The following DTHD1 variants were observed in gnomAD, a reference collection of about 807,000 sequenced individuals.
DTHD1 encodes death domain-containing protein 1.
A neutral mutation model predicts 74.8 loss-of-function variants in DTHD1; 59 were observed. The observed-to-expected ratio is 0.79, with a 90% CI of 0.64 to 0.98. The LOEUF is 0.98. Among genes scored for constraint, DTHD1 ranks in the 50% least tolerant of loss-of-function variants. The pLI is 0.00. For synonymous variants in DTHD1, 365 were observed against 371.1 expected, an observed-to-expected ratio of 0.98 and a Z score of 0.19; for missense variants, 1,051 against 1,065.4, an observed-to-expected ratio of 0.99 and a Z score of 0.19.
At chr4:36,324,945 C>A (rs1386518255) in intron 8 of DTHD1, among the ~76,000 whole-genome samples, 1 of 151,968 alleles carries the variant, frequency 6.6e-6, no homozygotes, top group Non-Finnish European at 1.5e-5. Context: ...TGTTTAGGGT[C>A]TGGAGAGGAA....
At chr4:36,312,014 T>C (rs1757438312) in intron 7 of DTHD1, among the ~76,000 whole-genome samples, 3 of 152,170 alleles carry the variant, frequency 2.0e-5, no homozygotes, top group South Asian at 2.1e-4. Flanking sequence ...CTATCTCTAA[T>C]AGGAAGGAAG....
intron 7 of DTHD1, among the ~76,000 whole-genome samples, chr4:36,312,105 A>G (rs1009113316): frequency 6.6e-6 from 1 of 152,128 alleles, no homozygotes; most frequent in African/African-American, 2.4e-5. Context: ...TTCATTCTCT[A>G]GGTTAGAGTT....
At chr4:36,309,076 A>G (rs887477509) in intron 7 of DTHD1, among the ~76,000 whole-genome samples, 11 of 152,112 alleles carry the variant, frequency 7.2e-5, no homozygotes, top group African/African-American at 2.7e-4. Context: ...TTCAAAGACT[A>G]CTCTGAGAAT....
At position 36,308,412 on chromosome 4, in the gene DTHD1, C is replaced by A. The variant is rs1352070477; in HGVS notation, c.2014C>A (p.Pro672Thr). The A allele has an allele frequency of 1.3e-6, 2 of 1,551,862 alleles. No individual in the cohort carries two copies. Among genetic ancestry groups the A allele is most frequent in the Non-Finnish European group, 8.7e-7 (1 of 1,147,024 alleles). Residue 672 changes from proline to threonine, a missense_variant, in exon 7 of 10, where the codon CCT becomes ACT. Transcript: ENST00000639862. ...CCTGCACTTGGAAGGGTTTGGAGGA[C>A]CTCCAGAGCCATCTCGTCATTTCCA... ...KDLHLEGFGG[P>T]PEPSRHFQVR...
intron 3 of DTHD1, 80 bp downstream of exon 3, chr4:36,290,783 T>C (rs762486047): frequency 2.0e-5 from 22 of 1,114,098 alleles, no homozygotes; most frequent in Non-Finnish European, 2.7e-5. Context: ...GATTGTAGTG[T>C]AGATATAATT....
chr4:36,301,697 T>C (rs1756781845), intron 5 of DTHD1, among the ~76,000 whole-genome samples: 1 of 152,226 alleles, frequency 6.6e-6, no homozygotes, highest in Admixed American at 6.5e-5. Context: ...CTTATCTGTA[T>C]ACTCCTTGGT....
intron 8 of DTHD1, among the ~76,000 whole-genome samples, chr4:36,336,081 G>A (rs1758994618): frequency 6.6e-6 from 1 of 152,144 alleles, no homozygotes; most frequent in South Asian, 2.1e-4. Context: ...GCCCTCAAGA[G>A]GCTTATAATT....
intron 8 of DTHD1, among the ~76,000 whole-genome samples, chr4:36,334,787 G>C (rs1025635113): frequency 6.6e-6 from 1 of 152,246 alleles, no homozygotes; most frequent in Non-Finnish European, 1.5e-5. Flanking sequence ...AATGGTGGAA[G>C]TAATCTTCAT....
intron 8 of DTHD1, among the ~76,000 whole-genome samples, chr4:36,335,591 A>G (rs191433719): frequency 2.2e-3 from 342 of 152,350 alleles, no homozygotes; most frequent in South Asian, 3.1e-3. Context: ...TAACATGTAC[A>G]GGAATGAGAT....
At position 36,308,424 on chromosome 4, in the gene DTHD1, T is replaced by C. The variant is rs1252806260; in HGVS notation, c.2026T>C (p.Ser676Pro). ...LEGFGGPPEP[S>P]RHFQVREGEQ... Reference sequence around the variant, plus strand: ...AGGGTTTGGAGGACCTCCAGAGCCATCTCGTCATTTCCAAGTTCGAGAAGG... The same window carrying C: ...AGGGTTTGGAGGACCTCCAGAGCCACCTCGTCATTTCCAAGTTCGAGAAGG... Residue 676 changes from serine to proline, a missense_variant, in exon 7 of 10, where the codon TCT (serine) becomes CCT (proline). Physicochemically the swap from Ser to Pro is moderately conservative, Grantham distance 74. Transcript: ENST00000639862. 11 of 1,551,900 alleles carry C rather than the reference T, an allele frequency of 7.1e-6. No homozygotes were observed. The highest frequency in any genetic ancestry group is 8.7e-6 in the Non-Finnish European group (10 of 1,147,034).
At chr4:36,328,601 C>T (rs1330212970) in intron 8 of DTHD1, among the ~76,000 whole-genome samples, 1 of 152,202 alleles carries the variant, frequency 6.6e-6, no homozygotes, top group Admixed American at 6.5e-5. Flanking sequence ...TTCTGCCATA[C>T]TTATTTTGTC....
At position 36,310,817 on chromosome 4, in the gene DTHD1, G is replaced by A. The variant is rs116205845; in HGVS notation, c.2095+2324G>A. ...GATCTCAGCATCTGAGCCAGCTGAC[G>A]GGACTTAGTGAGCAAGTGACAAAGA... On this transcript the variant is annotated intron_variant, in intron 7 of 9. Transcript: ENST00000639862. 8.5e-3 allele frequency among the ~76,000 whole-genome samples: 1,293 copies of A among 152,130 alleles called. 13 individuals carry two copies. Among genetic ancestry groups the A allele is most frequent in the South Asian group, 0.033 (157 of 4,808 alleles).
chr4:36,308,172 T>C (rs1286574251), intron 6 of DTHD1, 32 bp from the exon 7 acceptor site: 1 of 1,539,128 alleles, frequency 6.5e-7, no homozygotes, highest in Non-Finnish European at 8.8e-7. Flanking sequence ...ACTGCATTTT[T>C]CCCTGGGGTC....
At chr4:36,314,935 T>C (rs958434661) in intron 7 of DTHD1, among the ~76,000 whole-genome samples, 2 of 152,084 alleles carry the variant, frequency 1.3e-5, no homozygotes, top group East Asian at 3.8e-4. Context: ...TTATTTCTCC[T>C]GTTCTAAGGG....
At chr4:36,312,989 G>T (rs1221173835) in intron 7 of DTHD1, among the ~76,000 whole-genome samples, 1 of 152,220 alleles carries the variant, frequency 6.6e-6, no homozygotes, top group African/African-American at 2.4e-5. Flanking sequence ...GGTAGAGCTG[G>T]TGGGGAATGG....
chr4:36,318,636 A>T (rs1354774467), intron 8 of DTHD1, among the ~76,000 whole-genome samples: 1 of 99,988 alleles, frequency 1.0e-5, no homozygotes, highest in African/African-American at 4.1e-5. Context: ...TTTTTTTGAG[A>T]CGGAGTCTCG....
intron 9 of DTHD1, among the ~76,000 whole-genome samples, chr4:36,342,164 C>T (rs1325839836): frequency 6.6e-6 from 1 of 152,098 alleles, no homozygotes; most frequent in Non-Finnish European, 1.5e-5. Context: ...GTGGATGGGA[C>T]GAGAAAAGCC....
In DTHD1 at chr4:36,343,725, C is replaced by A; in HGVS notation, c.2622C>A (p.Arg874=). 1.3e-6 allele frequency: 2 copies of A among 1,551,612 alleles called. No homozygotes were observed. The highest frequency in any genetic ancestry group is 1.7e-6 in the Non-Finnish European group (2 of 1,146,924). The change falls in exon 10 of 10, where the codon CGC becomes CGA. Residue 874 remains arginine, a synonymous_variant. Coordinates refer to ENST00000639862, the MANE Select transcript of DTHD1 (RefSeq NM_001170700.3). ...TTCGCCTCCTGGCTCGACATCTCCG[C>A]AAGATTGGCAGGAGTGATCTTGCAG... The part of the protein sequence containing the change: ...DKLRLLARHL[R]KIGRSDLAEE...
intron 5 of DTHD1, among the ~76,000 whole-genome samples, chr4:36,300,528 G>A (rs542565941): frequency 6.7e-6 from 1 of 149,774 alleles, no homozygotes; most frequent in East Asian, 2.0e-4. Flanking sequence ...GAGGGGTTTG[G>A]AAAATTTCAA....
Sources: gnomAD v4.1 joint callset for allele counts (sites outside exome capture counted in the v4.1 genomes callset) on GRCh38, gnomAD v4.1.1 for gene constraint, MANE v1.5 for transcripts, NCBI Gene and HGNC (gene_info 2026-07-23, HGNC 2026-07-21) for gene names.